The following MAP3K21 variants were observed in gnomAD, a reference collection of about 807,000 sequenced individuals.
The protein encoded by MAP3K21 is mitogen-activated protein kinase kinase kinase MLK4.
Under a neutral mutation model 86.1 loss-of-function variants are expected in MAP3K21, and 63 were observed. The observed-to-expected ratio is 0.73, with a 90% CI of 0.60 to 0.90. The LOEUF (loss-of-function observed/expected upper bound fraction) is 0.90, where lower values mean the gene tolerates loss of function less well. Ranked by LOEUF, MAP3K21 falls within the 40% of genes least tolerant of loss-of-function variation. The pLI, the probability that MAP3K21 is intolerant of heterozygous loss-of-function variation, is 0.00. For missense variants in MAP3K21, 1,220 were observed against 1,367.7 expected, an observed-to-expected ratio of 0.89 and a Z score of 1.70; for synonymous variants, 558 against 564.8, an observed-to-expected ratio of 0.99 and a Z score of 0.17.
intron 5 of MAP3K21, among the ~76,000 whole-genome samples, chr1:233,370,626 T>C (rs1442050705): frequency 6.6e-6 from 1 of 152,224 alleles, no homozygotes. Flanking sequence ...AGGTAAGTTA[T>C]AGGTCTCTTG....
intron 1 of MAP3K21, among the ~76,000 whole-genome samples, chr1:233,337,791 C>T (rs1011680647): frequency 6.6e-6 from 1 of 152,198 alleles, no homozygotes; most frequent in African/African-American, 2.4e-5. Flanking sequence ...AACTGTTTCA[C>T]TACCACGGTT....
chr1:233,348,152 C>A (rs1317343893), intron 2 of MAP3K21, among the ~76,000 whole-genome samples: 1 of 152,158 alleles, frequency 6.6e-6, no homozygotes, highest in Non-Finnish European at 1.5e-5. Flanking sequence ...CCCAACTCCC[C>A]CTTCCCTCTC....
At chr1:233,376,194 T>C (rs1228204292) in intron 7 of MAP3K21, 128 bp downstream of exon 7, 2 of 827,652 alleles carry the variant, frequency 2.4e-6, no homozygotes, top group Non-Finnish European at 3.8e-6. Context: ...ATCAACAATT[T>C]TCTAGGATGA....
intron 5 of MAP3K21, among the ~76,000 whole-genome samples, chr1:233,366,887 A>G (rs1001290185): frequency 6.6e-6 from 1 of 152,204 alleles, no homozygotes; most frequent in African/African-American, 2.4e-5. Context: ...GCTGGCTACC[A>G]AATAAGGAAG....
chr1:233,377,163 C>G (rs549118468), intron 8 of MAP3K21, among the ~76,000 whole-genome samples: 42 of 152,114 alleles, frequency 2.8e-4, no homozygotes, highest in African/African-American at 9.6e-4. Flanking sequence ...ACTGGAATTT[C>G]TATTTAATTT....
At chr1:233,367,112 A>G (rs1465852703) in intron 5 of MAP3K21, among the ~76,000 whole-genome samples, 1 of 152,162 alleles carries the variant, frequency 6.6e-6, no homozygotes, top group Non-Finnish European at 1.5e-5. Context: ...ATACAAGACA[A>G]AAGCTTTAAA....
In MAP3K21 at chr1:233,343,886, C is replaced by T. The variant is rs538086038; in HGVS notation, c.806-2556C>T. On this transcript the variant is annotated intron_variant, in intron 1 of 9. Transcript: ENST00000366624. ...TAAAACTAACATTTGAAAAAAATGACCCTCTTTATGATTATGTTCTGCAAA... is the reference window on the plus strand; with the variant it reads ...TAAAACTAACATTTGAAAAAAATGATCCTCTTTATGATTATGTTCTGCAAA... Among the ~76,000 whole-genome samples the T allele has an allele frequency of 7.2e-5, 11 of 152,234 alleles. No individual in the cohort carries two copies. In the South Asian group the frequency reaches 2.3e-3, roughly 32 times the overall value.
In MAP3K21 at chr1:233,353,832, C is replaced by T. The variant is rs1438092006; in HGVS notation, c.1012C>T (p.Leu338Phe). The T allele has an allele frequency of 6.2e-7, 1 of 1,605,522 alleles. No homozygotes were observed. The change falls in exon 3 of 10, where the codon CTC (leucine) becomes TTC (phenylalanine). Residue 338 changes from leucine (L) to phenylalanine (F), a missense_variant. Coordinates refer to ENST00000366624, the MANE Select transcript of MAP3K21 (RefSeq NM_032435.3). ...CTATGGAGTGCTGCTGTGGGAACTGCTCACCGGAGAAGTCCCCTATCGGGG... is the reference window on the plus strand; with the variant it reads ...CTATGGAGTGCTGCTGTGGGAACTGTTCACCGGAGAAGTCCCCTATCGGGG... The part of the protein sequence containing the change: ...WSYGVLLWEL[L>F]TGEVPYRGID...
At chr1:233,329,829 TG>T (rs1418191642) in intron 1 of MAP3K21, among the ~76,000 whole-genome samples, 1 of 152,238 alleles carries the variant, frequency 6.6e-6, no homozygotes, top group Non-Finnish European at 1.5e-5. Flanking sequence ...TCATTGACTT[TG>T]TTTATAAATC....
chr1:233,382,817 C>T lies in MAP3K21; in HGVS notation c.*106C>T, dbSNP rs1265354271. The T allele has an allele frequency of 1.8e-5, 18 of 993,094 alleles. No individual in the cohort carries two copies. The highest frequency in any genetic ancestry group is 3.3e-5 in the African/African-American group (2 of 61,334). 61.5% of individuals were successfully genotyped at this position (993,094 alleles called of 1,614,324 possible). ...GCTGCTGTGTTTTCAAAAGCTGTGG[C>T]CATGTTCCTAAATTAGTAAGATATA... is the stretch of plus-strand genomic sequence containing the variant. On this transcript the variant is annotated 3_prime_UTR_variant, in exon 10 of 10. Coordinates refer to ENST00000366624, the MANE Select transcript of MAP3K21 (RefSeq NM_032435.3).
chr1:233,362,434 T>C, intron 5 of MAP3K21, 141 bp downstream of exon 5: 2 of 896,728 alleles, frequency 2.2e-6, no homozygotes, highest in East Asian at 2.5e-5. Context: ...AGCTGTAGGC[T>C]TAGATTCATG....
intron 5 of MAP3K21, among the ~76,000 whole-genome samples, chr1:233,369,614 C>G (rs529175045): frequency 2.6e-5 from 4 of 152,288 alleles, no homozygotes; most frequent in East Asian, 1.9e-4. Context: ...GGTTTTTACA[C>G]TTTTAAATGC....
At chr1:233,361,210 T>C (rs1007298833) in intron 4 of MAP3K21, among the ~76,000 whole-genome samples, 9 of 152,252 alleles carry the variant, frequency 5.9e-5, no homozygotes, top group Non-Finnish European at 1.2e-4. Flanking sequence ...TTTTTCCTAA[T>C]AGGAATAAAA....
intron 6 of MAP3K21, chr1:233,372,386 C>A (rs571960249): frequency 4.3e-6 from 2 of 460,132 alleles, no homozygotes; most frequent in Non-Finnish European, 7.5e-6. Flanking sequence ...GTTGGTGATG[C>A]GACCTGGCCC....
intron 1 of MAP3K21, among the ~76,000 whole-genome samples, chr1:233,340,140 A>T (rs747982214): frequency 6.6e-6 from 1 of 152,210 alleles, no homozygotes; most frequent in Non-Finnish European, 1.5e-5. Context: ...GAATGCAGAG[A>T]AGTAGCTGAG....
intron 5 of MAP3K21, among the ~76,000 whole-genome samples, chr1:233,366,675 G>A (rs1480037615): frequency 6.6e-6 from 1 of 152,164 alleles, no homozygotes; most frequent in African/African-American, 2.4e-5. Context: ...ATATTCTAGA[G>A]TCCTCCAAGC....
At chr1:233,344,619 A>C (rs1663098912) in intron 1 of MAP3K21, among the ~76,000 whole-genome samples, 1 of 152,254 alleles carries the variant, frequency 6.6e-6, no homozygotes, top group South Asian at 2.1e-4. Context: ...ACCTAAAACC[A>C]TAAAAACCCT....
At chr1:233,335,854 C>G (rs930112327) in intron 1 of MAP3K21, among the ~76,000 whole-genome samples, 2 of 152,174 alleles carry the variant, frequency 1.3e-5, no homozygotes, top group African/African-American at 4.8e-5. Context: ...TTTTCCCAAA[C>G]AAATTTAATG....
Position 233,354,944 on chromosome 1 carries a change from A to G in MAP3K21, c.1244A>G (p.His415Arg), listed in dbSNP as rs759915161. The change falls in exon 4 of 10, where the codon CAT becomes CGT. Residue 415 changes from histidine to arginine, a missense_variant. His to Arg is a conservative substitution (Grantham distance 29). Transcript: ENST00000366624. ...VMTEMPQESF[H>R]SMQDDWKLEI... Reference sequence around the variant, plus strand: ...ACTGAGATGCCTCAAGAATCTTTTCATTCCATGCAAGATGACTGGAAACTA... The same window carrying G: ...ACTGAGATGCCTCAAGAATCTTTTCGTTCCATGCAAGATGACTGGAAACTA... 6.2e-7 allele frequency: 1 copy of G among 1,613,988 alleles called. No homozygotes were observed. Among genetic ancestry groups the G allele is most frequent in the Non-Finnish European group, 8.5e-7 (1 of 1,179,844 alleles).
Sources: gnomAD v4.1 joint callset for allele counts (sites outside exome capture counted in the v4.1 genomes callset) on GRCh38, gnomAD v4.1.1 for gene constraint, MANE v1.5 for transcripts, NCBI Gene and HGNC (gene_info 2026-07-23, HGNC 2026-07-21) for gene names.